Variants in MLIP observed in about 807,000 individuals in gnomAD.
The protein encoded by MLIP is muscular LMNA interacting protein.
Under a neutral mutation model 84.8 loss-of-function variants are expected in MLIP, and 79 were observed. That is an observed-to-expected ratio of 0.93 (90% CI 0.78 to 1.12). The LOEUF (loss-of-function observed/expected upper bound fraction) is 1.12, where lower values mean the gene tolerates loss of function less well. MLIP is among the 50% of genes most tolerant of loss of function. The pLI, the probability that MLIP is intolerant of heterozygous loss-of-function variation, is 0.00. For synonymous variants in MLIP, 504 were observed against 463.0 expected, an observed-to-expected ratio of 1.09 and a Z score of -1.14; for missense variants, 1,257 against 1,160.6, an observed-to-expected ratio of 1.08 and a Z score of -1.21.
intron 1 of MLIP, among the ~76,000 whole-genome samples, chr6:54,101,390 C>T (rs1343623505): frequency 2.0e-5 from 3 of 148,130 alleles, no homozygotes; most frequent in Admixed American, 1.4e-4. Flanking sequence ...ATGTGCCAGG[C>T]CATACACTAG....
chr6:54,082,856 C>G (rs1014745350), intron 1 of MLIP, among the ~76,000 whole-genome samples: 1 of 151,992 alleles, frequency 6.6e-6, no homozygotes, highest in Non-Finnish European at 1.5e-5. Context: ...ACTTAATATA[C>G]TTTGACTTGC....
chr6:54,094,356 G>A (rs1347438484), intron 1 of MLIP, among the ~76,000 whole-genome samples: 1 of 151,878 alleles, frequency 6.6e-6, no homozygotes, highest in African/African-American at 2.4e-5. Flanking sequence ...AGAAAACTCA[G>A]GTCTTCTTGT....
chr6:54,178,923 G>A (rs1246419737), intron 9 of MLIP, among the ~76,000 whole-genome samples: 3 of 152,178 alleles, frequency 2.0e-5, no homozygotes, highest in Non-Finnish European at 4.4e-5. Flanking sequence ...TTGGTCTATA[G>A]TGCAGATTAA....
intron 1 of MLIP, among the ~76,000 whole-genome samples, chr6:54,066,552 A>ACTT (rs56748711): frequency 0.53 from 51,669 of 97,510 alleles, 20,304 homozygotes; most frequent in East Asian, 0.71. Flanking sequence ...GGGCAAGTGA[A>ACTT]CTTCTGGTAT....
chr6:54,121,770 A>T (rs987940990), intron 2 of MLIP, among the ~76,000 whole-genome samples, 168 bp downstream of exon 2: 3 of 152,208 alleles, frequency 2.0e-5, no homozygotes, highest in Non-Finnish European at 2.9e-5. Flanking sequence ...ATCAAATTGC[A>T]TGTTCTCTCT....
At chr6:54,254,008 G>C (rs1225358146) in intron 12 of MLIP, among the ~76,000 whole-genome samples, 2 of 150,210 alleles carry the variant, frequency 1.3e-5, no homozygotes, top group East Asian at 3.9e-4. Flanking sequence ...CAACATAGTA[G>C]TTTGTTTTCC....
At position 54,137,805 on chromosome 6, in the gene MLIP, T is replaced by C; in HGVS notation, c.1736T>C (p.Ile579Thr). Reference protein sequence around the residue: ...DLRGPENPRNIHTYPSTLASS... With the variant: ...DLRGPENPRNTHTYPSTLASS... ...AGGGGTCCAGAAAACCCCAGAAACA[T>C]TCACACGTACCCTTCTACATTAGCC... The change falls in exon 4 of 14, where the codon ATT becomes ACT. Residue 579 changes from isoleucine to threonine, a missense_variant. Ile to Thr is a moderately conservative substitution (Grantham distance 89). Transcript: ENST00000502396. 6.5e-7 allele frequency: 1 copy of C among 1,536,024 alleles called. No individual in the cohort carries two copies. Among genetic ancestry groups the C allele is most frequent in the Middle Eastern group, 1.7e-4 (1 of 5,990 alleles).
chr6:54,019,182 G>A (rs113838718), intron 1 of MLIP: 19,201 of 1,338,330 alleles, frequency 0.014, 201 homozygotes, highest in Non-Finnish European at 0.018. Flanking sequence ...TGTGCTAGCC[G>A]GCCTCTGTTT....
At chr6:54,049,642 A>G (rs950410642) in intron 1 of MLIP, among the ~76,000 whole-genome samples, 3 of 152,148 alleles carry the variant, frequency 2.0e-5, no homozygotes, top group Admixed American at 1.3e-4. Context: ...ACCCTACAAG[A>G]TGGGCTCTGT....
rs532037757 is a variant in MLIP at position 54,254,376 on chromosome 6, A to C, written c.2923-2932A>C. ...TCCTGATCTTGTGATCCACCCGCCT[A>C]GGCCTCCCAAAGTGCTGGGATTACA... On this transcript the variant is annotated intron_variant, in intron 12 of 13. Transcript: ENST00000502396. 5.9e-4 allele frequency among the ~76,000 whole-genome samples: 90 copies of C among 151,700 alleles called. 1 individual carries two copies. Among genetic ancestry groups the C allele is most frequent in the Non-Finnish European group, 3.1e-4 (21 of 67,854 alleles).
chr6:54,121,766 T>G (rs968043937), intron 2 of MLIP, among the ~76,000 whole-genome samples, 164 bp downstream of exon 2: 3 of 152,234 alleles, frequency 2.0e-5, no homozygotes, highest in Admixed American at 2.0e-4. Context: ...TGTTATCAAA[T>G]TGCATGTTCT....
intron 10 of MLIP, among the ~76,000 whole-genome samples, chr6:54,201,305 G>A (rs1008645498): frequency 6.6e-6 from 1 of 152,152 alleles, no homozygotes; most frequent in Non-Finnish European, 1.5e-5. Flanking sequence ...GTGTGTGAGG[G>A]AATCTGGTGT....
chr6:54,189,341 A>C (rs1241579184), intron 9 of MLIP, among the ~76,000 whole-genome samples: 1 of 152,236 alleles, frequency 6.6e-6, no homozygotes, highest in Non-Finnish European at 1.5e-5. Flanking sequence ...AGCCAATGAC[A>C]AACAATATTA....
intron 11 of MLIP, among the ~76,000 whole-genome samples, chr6:54,205,522 C>A (rs2150725246): frequency 6.6e-6 from 1 of 151,494 alleles, no homozygotes; most frequent in African/African-American, 2.4e-5. Context: ...TTTCAAAATT[C>A]TGTTACAAAA....
chr6:54,140,529 A>G (rs1187398132), intron 4 of MLIP, among the ~76,000 whole-genome samples: 1 of 151,974 alleles, frequency 6.6e-6, no homozygotes, highest in Non-Finnish European at 1.5e-5. Flanking sequence ...CTTTGAACAG[A>G]AAAAAAAGCT....
intron 8 of MLIP, among the ~76,000 whole-genome samples, chr6:54,165,923 C>T (rs1775130929): frequency 1.3e-5 from 2 of 151,900 alleles, no homozygotes; most frequent in Non-Finnish European, 2.9e-5. Context: ...ACCTCTTACC[C>T]TTTCCACCAT....
At chr6:54,202,341 CTA>C (rs1233053585) in intron 11 of MLIP, 108 bp downstream of exon 11, 3 of 567,616 alleles carry the variant, frequency 5.3e-6, no homozygotes, top group East Asian at 7.0e-5. Flanking sequence ...AAAGATGTCT[CTA>C]TGAATATAGT....
chr6:54,194,228 G>T (rs947665557), intron 10 of MLIP, among the ~76,000 whole-genome samples: 1 of 152,016 alleles, frequency 6.6e-6, no homozygotes, highest in Non-Finnish European at 1.5e-5. Flanking sequence ...CTTTCTGAGG[G>T]CCCTTTTAAG....
At chr6:54,172,690 A>G (rs1263902253) in intron 9 of MLIP, among the ~76,000 whole-genome samples, 2 of 151,516 alleles carry the variant, frequency 1.3e-5, no homozygotes, top group East Asian at 3.9e-4. Flanking sequence ...GCCTTTGTTG[A>G]AAGACTGACT....
Sources: allele counts gnomAD v4.1 joint callset (sites outside exome capture counted in the v4.1 genomes callset), GRCh38; gene constraint gnomAD v4.1.1; transcripts MANE v1.5; gene names NCBI Gene and HGNC (gene_info 2026-07-23, HGNC 2026-07-21).